The following SNED1 variants were observed in gnomAD, a reference collection of about 807,000 sequenced individuals.
SNED1 encodes the protein sushi, nidogen and EGF like domains 1, also known as sushi, nidogen and EGF-like domain-containing protein 1.
In SNED1, 81 loss-of-function variants were observed where a neutral mutation model predicts 166.7. The ratio of observed to expected loss-of-function variants is 0.49; its 90% CI spans 0.41 to 0.58. The LOEUF (loss-of-function observed/expected upper bound fraction) is 0.58. SNED1 is among the 20% of genes least tolerant of loss of function. SNED1 has a pLI of 0.00. For missense variants in SNED1, 1,604 were observed against 2,000.2 expected (o/e 0.80, Z 3.78); for synonymous variants, 762 against 822.0 (o/e 0.93, Z 1.25).
intron 1 of SNED1, among the ~76,000 whole-genome samples, chr2:241,019,835 G>A (rs1028845059): frequency 1.3e-5 from 2 of 152,202 alleles, no homozygotes; most frequent in Non-Finnish European, 2.9e-5. Context: ...TGGCAGACCA[G>A]ACCGCAGACT....
intron 30 of SNED1, 65 bp from the exon 31 acceptor site, chr2:241,088,300 G>T: frequency 8.7e-7 from 1 of 1,155,802 alleles, no homozygotes. Context: ...CTGGACTGAG[G>T]TAGCTGTAGA....
rs759705602 is a variant in SNED1 at position 241,071,777 on chromosome 2, C to G, written c.3735-19C>G. On this transcript the variant is annotated intron_variant, in intron 25 of 31. Transcript: ENST00000310397. ...GAGGCGGCGCTCGGACTGTGGTGACCCTCCCACCCTCTCTGCAGGTTCTCG... is the reference window on the plus strand; with the variant it reads ...GAGGCGGCGCTCGGACTGTGGTGACGCTCCCACCCTCTCTGCAGGTTCTCG... 53 of 1,578,894 alleles carry G rather than the reference C, an allele frequency of 3.4e-5. No individual in the cohort carries two copies. The highest frequency in any genetic ancestry group is 1.7e-4 in the Middle Eastern group (1 of 5,970).
At chr2:241,034,846 G>C (rs372910566) in intron 4 of SNED1, 116 bp downstream of exon 4, 1 of 1,180,390 alleles carries the variant, frequency 8.5e-7, no homozygotes, top group African/African-American at 1.6e-5. Context: ...GGAGCACTTG[G>C]GTGTCCAGCC....
Position 240,999,071 on chromosome 2 carries a change from C to A in SNED1, c.213+21C>A. 8.0e-7 allele frequency: 1 copy of A among 1,252,484 alleles called. No homozygotes were observed. Among genetic ancestry groups the A allele is most frequent in the Non-Finnish European group, 1.0e-6 (1 of 991,136 alleles). The allele number at this position is 1,252,484 out of a possible 1,614,324, so 77.6% of individuals were successfully genotyped here. On this transcript the variant is annotated intron_variant, in intron 1 of 31. Transcript: ENST00000310397. The surrounding 1 kb of genome is among the most constrained non-coding windows in gnomAD (Gnocchi z 5.8). ...TCTACGTGAGTAACCCCCGGGCTCG[C>A]GGGGCGCCCGGGAGGGGAGGGAGCT...
At chr2:241,021,764 T>A (rs537182335) in intron 1 of SNED1, among the ~76,000 whole-genome samples, 3 of 152,268 alleles carry the variant, frequency 2.0e-5, no homozygotes, top group Non-Finnish European at 4.4e-5. Flanking sequence ...TGGACATGTT[T>A]CCATTTTCTT....
rs1399526075 is a variant in SNED1 at position 241,064,163 on chromosome 2, C to T, written c.2599+38C>T. On this transcript the variant is annotated intron_variant, in intron 19 of 31. Coordinates refer to ENST00000310397, the MANE Select transcript of SNED1 (RefSeq NM_001080437.3). This position sits in a 1 kb window ranked among gnomAD's most constrained non-coding sequence, Gnocchi z 7.0. ...GCCTGCCTGCTCCCCGCCCTCTGCC[C>T]GCCTGCTCCCCGCCCTCTGCCCGCC... 4.3e-6 allele frequency: 6 copies of T among 1,394,724 alleles called. No homozygotes were observed. The highest frequency in any genetic ancestry group is 2.6e-5 in the South Asian group (2 of 76,900). The allele number at this position is 1,394,724 out of a possible 1,614,324, so 86.4% of individuals were successfully genotyped here.
intron 31 of SNED1, chr2:241,090,117 T>A: frequency 6.7e-7 from 1 of 1,490,592 alleles, no homozygotes. Context: ...ACTTTTTAAC[T>A]CTTTTTAATA....
chr2:241,063,919 T>C, intron 18 of SNED1, 93 bp from the exon 19 acceptor site: 3 of 1,018,408 alleles, frequency 2.9e-6, no homozygotes, highest in Non-Finnish European at 4.4e-6. Flanking sequence ...CCTCCGCCCC[T>C]AGACTCCTCC....
At position 240,998,779 on chromosome 2, in the gene SNED1, A is replaced by C. The variant is rs1366533745; in HGVS notation, c.-59A>C. 1.1e-6 allele frequency: 1 copy of C among 874,278 alleles called. No individual in the cohort carries two copies. Among genetic ancestry groups the C allele is most frequent in the Non-Finnish European group, 1.4e-6 (1 of 710,820 alleles). The allele number at this position is 874,278 out of a possible 1,614,324, so 54.2% of individuals were successfully genotyped here. The stretch of plus-strand genomic sequence containing the variant: ...GGCCCTGCCGGCCACCCCCGCGCGC[A>C]GCCTAGTCCCCCAGCGCCCTGCTCC... On this transcript the variant is annotated 5_prime_UTR_variant, in exon 1 of 32. Transcript: ENST00000310397.
intron 12 of SNED1, 152 bp downstream of exon 12, chr2:241,050,085 T>G (rs1381508615): frequency 4.2e-6 from 3 of 705,982 alleles, no homozygotes; most frequent in Non-Finnish European, 7.9e-6. Flanking sequence ...TCTGTGTATT[T>G]AGAGGTGAGC....
chr2:241,073,071 T>C lies in SNED1; in HGVS notation c.3818-195T>C. 1.8e-6 allele frequency: 1 copy of C among 564,930 alleles called. No individual in the cohort carries two copies. Among genetic ancestry groups the C allele is most frequent in the Non-Finnish European group, 3.2e-6 (1 of 316,588 alleles). The allele number at this position is 564,930 out of a possible 1,614,324, so 35.0% of individuals were successfully genotyped here. ...GGGAAGGCCGAGCCCCTCCAGAGGG[T>C]CAGCAGGAGGGTGAGGCCAGCCCTT... On this transcript the variant is annotated intron_variant, in intron 26 of 31. Coordinates refer to ENST00000310397, the MANE Select transcript of SNED1 (RefSeq NM_001080437.3). This position sits in a 1 kb window ranked among gnomAD's most constrained non-coding sequence, Gnocchi z 6.6.
At chr2:241,034,941 A>G (rs1271751979) in intron 4 of SNED1, among the ~76,000 whole-genome samples, 1 of 150,284 alleles carries the variant, frequency 6.7e-6, no homozygotes, top group Non-Finnish European at 1.5e-5. Flanking sequence ...CCACACACAC[A>G]CTGCTCTGGG....
intron 27 of SNED1, among the ~76,000 whole-genome samples, chr2:241,076,268 G>A (rs919046202): frequency 2.0e-5 from 3 of 152,194 alleles, no homozygotes; most frequent in Middle Eastern, 3.4e-3. Context: ...CTATATCCAT[G>A]GACATGGGAT....
At position 241,018,371 on chromosome 2, in the gene SNED1, G is replaced by A. The variant is rs76228397; in HGVS notation, c.214-11913G>A. Among the ~76,000 whole-genome samples the A allele has an allele frequency of 2.6e-5, 4 of 152,164 alleles. No homozygotes were observed. The highest frequency in any genetic ancestry group is 4.8e-5 in the African/African-American group (2 of 41,436). The stretch of plus-strand genomic sequence containing the variant: ...ACAGGACAGAGATGGGGAACCCAGC[G>A]CAGGTCAGGTTGCCAGCTCAGCAGT... On this transcript the variant is annotated intron_variant, in intron 1 of 31. Transcript: ENST00000310397. This position sits in a 1 kb window ranked among gnomAD's most constrained non-coding sequence, Gnocchi z 5.4.
rs1235053428 is a variant in SNED1 at position 241,092,884 on chromosome 2, C to T, written c.*1248C>T. Reference sequence around the variant, plus strand: ...CCAAAGCAGCCACCCCACCTCCTCTCGTGTTGAGCCTCACGACCGCTGACC... The same window carrying T: ...CCAAAGCAGCCACCCCACCTCCTCTTGTGTTGAGCCTCACGACCGCTGACC... On this transcript the variant is annotated 3_prime_UTR_variant, in exon 32 of 32. Coordinates refer to ENST00000310397, the MANE Select transcript of SNED1 (RefSeq NM_001080437.3). This position sits in a 1 kb window ranked among gnomAD's most constrained non-coding sequence, Gnocchi z 4.6. The T allele has an allele frequency of 1.3e-5, 2 of 152,298 alleles. No individual in the cohort carries two copies. Among genetic ancestry groups the T allele is most frequent in the African/African-American group, 2.4e-5 (1 of 41,426 alleles). The allele number at this position is 152,298 out of a possible 1,614,324, so 9.4% of individuals were successfully genotyped here.
rs1575049970 is a variant in SNED1, at chr2:241,069,860, G to A, written c.3308-60G>A. 3 of 1,569,282 alleles carry A rather than the reference G, an allele frequency of 1.9e-6. No individual in the cohort carries two copies. The highest frequency in any genetic ancestry group is 4.5e-5 in the East Asian group (2 of 44,518). On this transcript the variant is annotated intron_variant, in intron 23 of 31. Coordinates refer to ENST00000310397, the MANE Select transcript of SNED1 (RefSeq NM_001080437.3). The surrounding 1 kb of genome is among the most constrained non-coding windows in gnomAD (Gnocchi z 4.9). ...AGCCCATGTCCGGTTCTCAAACCGT[G>A]TTCTTGCCAGAAGACCCTGTGGGCA...
chr2:241,072,077 A>G (rs1241142100), intron 26 of SNED1, 199 bp downstream of exon 26: 2 of 702,968 alleles, frequency 2.8e-6, no homozygotes, highest in Non-Finnish European at 5.2e-6. Flanking sequence ...CAGGAGGGGC[A>G]GCTCGTGAGG....
intron 12 of SNED1, 62 bp downstream of exon 12, chr2:241,049,995 G>A (rs776160743): frequency 2.8e-5 from 34 of 1,209,588 alleles, no homozygotes; most frequent in Non-Finnish European, 3.8e-5. Context: ...GCGGTCCGCC[G>A]TCCTGCTTCT....
intron 27 of SNED1, among the ~76,000 whole-genome samples, chr2:241,080,261 G>A (rs1327572002): frequency 3.9e-5 from 6 of 152,202 alleles, no homozygotes; most frequent in Admixed American, 3.3e-4. Context: ...TCCAGCCTGG[G>A]CAACAGAGCA....
Sources: allele counts gnomAD v4.1 joint callset (sites outside exome capture counted in the v4.1 genomes callset), GRCh38; gene constraint gnomAD v4.1.1; non-coding constraint Gnocchi (gnomAD v3.1); transcripts MANE v1.5; gene names NCBI Gene and HGNC (gene_info 2026-07-23, HGNC 2026-07-21).